SORCS2: variants seen among roughly 807,000 people sequenced by gnomAD.
SORCS2 encodes VPS10 domain-containing receptor SorCS2.
SORCS2 carries 100 observed loss-of-function variants against 141.6 expected under a neutral mutation model. The observed-to-expected ratio is 0.71, with a 90% CI of 0.60 to 0.83. The LOEUF (loss-of-function observed/expected upper bound fraction) is 0.83. Ranked by LOEUF, SORCS2 falls within the 40% of genes least tolerant of loss-of-function variation. SORCS2 has a pLI of 0.00. For synonymous variants in SORCS2, 789 were observed against 676.9 expected, an observed-to-expected ratio of 1.17 and a Z score of -2.57; for missense variants, 1,646 against 1,560.2, an observed-to-expected ratio of 1.05 and a Z score of -0.93.
intron 2 of SORCS2, among the ~76,000 whole-genome samples, chr4:7,454,064 CTG>C (rs1728686038): frequency 8.5e-6 from 1 of 117,356 alleles, no homozygotes; most frequent in Non-Finnish European, 1.7e-5. Context: ...GGGTCAGGAG[CTG>C]TGTGTTGGGG....
intron 2 of SORCS2, among the ~76,000 whole-genome samples, chr4:7,492,239 C>G (rs978807594): frequency 6.6e-6 from 1 of 152,226 alleles, no homozygotes; most frequent in Non-Finnish European, 1.5e-5. Flanking sequence ...TCCTCCCTGC[C>G]TCGCCCAGCC....
At chr4:7,436,973 C>T (rs1217202887) in intron 2 of SORCS2, among the ~76,000 whole-genome samples, 1 of 152,196 alleles carries the variant, frequency 6.6e-6, no homozygotes, top group Non-Finnish European at 1.5e-5. Flanking sequence ...CCCTCAGCAG[C>T]ATTTGAGGAA....
chr4:7,504,497 G>A (rs147686392), intron 2 of SORCS2, among the ~76,000 whole-genome samples: 88 of 142,736 alleles, frequency 6.2e-4, no homozygotes, highest in African/African-American at 2.1e-3. Context: ...CTCATTTTAT[G>A]AGCTAGGAAA....
At chr4:7,492,634 C>T (rs907135246) in intron 2 of SORCS2, among the ~76,000 whole-genome samples, 8 of 152,352 alleles carry the variant, frequency 5.3e-5, no homozygotes, top group East Asian at 3.9e-4. Flanking sequence ...CTATTTTCCA[C>T]AGTGGCTGTA....
chr4:7,224,249 A>G (rs1195324072), intron 1 of SORCS2, among the ~76,000 whole-genome samples: 2 of 152,338 alleles, frequency 1.3e-5, no homozygotes, highest in East Asian at 3.9e-4. Context: ...GGAAGGTCTG[A>G]CAACATTTAA....
chr4:7,597,044 C>A (rs1277303291), intron 3 of SORCS2, among the ~76,000 whole-genome samples: 1 of 151,780 alleles, frequency 6.6e-6, no homozygotes, highest in Non-Finnish European at 1.5e-5. Flanking sequence ...TGGGGGCTGG[C>A]TTCCTCCGTG....
rs551803908 is a variant in SORCS2 at position 7,722,546 on chromosome 4, A to C, written c.2425-1151A>C. On this transcript the variant is annotated intron_variant, in intron 18 of 26. Transcript: ENST00000507866. ...CCCGGCACTCCTTGGCCCCTGACAG[A>C]GTCACTCCTGCCTTTGCCTTCACCT... Among the ~76,000 whole-genome samples, 27 of 152,290 alleles carry C rather than the reference A, an allele frequency of 1.8e-4. No individual in the cohort carries two copies. In the South Asian group the frequency reaches 5.2e-3, roughly 29 times the overall value.
At chr4:7,548,210 G>A (rs1333522668) in intron 3 of SORCS2, among the ~76,000 whole-genome samples, 1 of 152,186 alleles carries the variant, frequency 6.6e-6, no homozygotes, top group African/African-American at 2.4e-5. Flanking sequence ...CCCATCGCCA[G>A]CAAAGAGGAA....
intron 3 of SORCS2, among the ~76,000 whole-genome samples, chr4:7,617,251 A>G (rs1001539885): frequency 6.6e-6 from 1 of 151,912 alleles, no homozygotes; most frequent in African/African-American, 2.4e-5. Context: ...CCATCCATCT[A>G]TCTATACACA....
chr4:7,349,498 C>T (rs184072670), intron 1 of SORCS2, among the ~76,000 whole-genome samples: 18 of 152,100 alleles, frequency 1.2e-4, no homozygotes, highest in African/African-American at 2.7e-4. Context: ...AGGAGGTCAC[C>T]GGGTCATGGG....
chr4:7,674,442 AG>A (rs1488340483), intron 8 of SORCS2, among the ~76,000 whole-genome samples: 1 of 151,906 alleles, frequency 6.6e-6, no homozygotes, highest in East Asian at 1.9e-4. Flanking sequence ...GCATAGTGGC[AG>A]GCGCCTGTAA....
chr4:7,700,004 C>A (rs1724959628), intron 12 of SORCS2, among the ~76,000 whole-genome samples: 1 of 152,232 alleles, frequency 6.6e-6, no homozygotes, highest in African/African-American at 2.4e-5. Context: ...AGGTGTCACA[C>A]CGGCCTCCAA....
intron 11 of SORCS2, among the ~76,000 whole-genome samples, chr4:7,695,166 ATGGAGGGATGATCAAT>A (rs1724515231): frequency 6.6e-6 from 1 of 151,034 alleles, no homozygotes; most frequent in East Asian, 2.0e-4. Context: ...TAATAGGTAG[ATGGAGGGATGATCAAT>A]TGGATGGATA....
intron 1 of SORCS2, among the ~76,000 whole-genome samples, chr4:7,307,932 G>GAGTGTGCATA (rs1717941871): frequency 6.6e-6 from 1 of 151,930 alleles, no homozygotes; most frequent in Non-Finnish European, 1.5e-5. Flanking sequence ...GAGTGTGCAT[G>GAGTGTGCATA]CATGGGGTGG....
At chr4:7,526,403 G>A (rs754172316) in intron 2 of SORCS2, among the ~76,000 whole-genome samples, 3 of 152,244 alleles carry the variant, frequency 2.0e-5, no homozygotes, top group Admixed American at 1.3e-4. Context: ...CTAAGCGAAC[G>A]GAACCAAATG....
rs111383778 is a variant in SORCS2, at chr4:7,601,817, G to A, written c.649-36511G>A. On this transcript the variant is annotated intron_variant, in intron 3 of 26. Transcript: ENST00000507866. ...GTTTTCCTAGGCGGAGGACCCTGCC[G>A]CCTTCCGCAGTGTTTGTGTCCCTGA... Among the ~76,000 whole-genome samples, 88 of 152,160 alleles carry A rather than the reference G, an allele frequency of 5.8e-4. 1 individual carries two copies. The highest frequency in any genetic ancestry group is 3.4e-3 in the Middle Eastern group (1 of 294).
At chr4:7,728,276 C>T (rs906833880) in intron 21 of SORCS2, 74 bp from the exon 22 acceptor site, 17 of 1,128,494 alleles carry the variant, frequency 1.5e-5, no homozygotes, top group Middle Eastern at 3.9e-4. Flanking sequence ...GTGGCTGCCC[C>T]CGACCCCCAC....
At chr4:7,527,325 A>G (rs900395641) in intron 2 of SORCS2, among the ~76,000 whole-genome samples, 7 of 152,232 alleles carry the variant, frequency 4.6e-5, no homozygotes, top group African/African-American at 1.7e-4. Context: ...TAAATGAAGG[A>G]TCTTGGGATT....
Position 7,725,198 on chromosome 4 carries a change from C to T in SORCS2, c.2656C>T (p.Leu886Phe), listed in dbSNP as rs200651414. 1.5e-5 allele frequency: 25 copies of T among 1,613,604 alleles called. No individual in the cohort carries two copies. In the Admixed American group the frequency reaches 3.5e-4, roughly 23 times the overall value. ...LYLEVVPVIG[L>F]NQEVNLTAVL... ...CCTGGAGGTGGTTCCTGTCATTGGC[C>T]TCAACCAGGAGGTGAACCTCACAGC... Residue 886 changes from leucine (L) to phenylalanine (F), a missense_variant, in exon 20 of 27, where the codon CTC becomes TTC. Transcript: ENST00000507866.
Sources: allele counts gnomAD v4.1 joint callset (sites outside exome capture counted in the v4.1 genomes callset), GRCh38; gene constraint gnomAD v4.1.1; transcripts MANE v1.5; gene names NCBI Gene and HGNC (gene_info 2026-07-23, HGNC 2026-07-21).